The following TAMM41 variants were observed in gnomAD, a reference collection of about 807,000 sequenced individuals.
The protein encoded by TAMM41 is phosphatidate cytidylyltransferase, mitochondrial.
A neutral mutation model predicts 44.1 loss-of-function variants in TAMM41; 36 were observed. The ratio of observed to expected loss-of-function variants is 0.82; its 90% CI spans 0.63 to 1.08. The LOEUF is 1.08. Among genes scored for constraint, TAMM41 ranks in the 50% least tolerant of loss-of-function variants. TAMM41 has a pLI of 0.00. For missense variants in TAMM41, 417 were observed against 404.3 expected (o/e 1.03, Z -0.27); for synonymous variants, 164 against 153.1 (o/e 1.07, Z -0.53).
At chr3:11,782,561 AG>A in the TAMM41 span, among the ~76,000 whole-genome samples, 2 of 151,780 alleles carry the variant, frequency 1.3e-5, no homozygotes, top group African/African-American at 4.8e-5. Flanking sequence ...AAAAAAAAAA[AG>A]AAAAAAAAAG....
chr3:11,813,884 A>ATATATGTG (rs1208205425), intron 5 of TAMM41, among the ~76,000 whole-genome samples: 2 of 148,012 alleles, frequency 1.4e-5, no homozygotes, highest in Non-Finnish European at 3.0e-5. Context: ...GTATATATGT[A>ATATATGTG]TATATGTGTA....
the TAMM41 span, among the ~76,000 whole-genome samples, chr3:11,725,715 C>T: frequency 0.038 from 5,727 of 152,240 alleles, 354 homozygotes; most frequent in African/African-American, 0.13. Flanking sequence ...GCTGGGACTA[C>T]AGGCGTAAGC....
At chr3:11,817,106 C>T (rs954268289) in intron 5 of TAMM41, 86 bp downstream of exon 5, 6 of 1,360,930 alleles carry the variant, frequency 4.4e-6, no homozygotes, top group South Asian at 2.8e-5. Flanking sequence ...GTTCTCACAC[C>T]AGTCATGCTG....
the TAMM41 span, among the ~76,000 whole-genome samples, chr3:11,755,213 G>A: frequency 1.3e-5 from 2 of 152,066 alleles, no homozygotes; most frequent in African/African-American, 2.4e-5. Context: ...GAGGAGACTC[G>A]GCCTAACACA....
At chr3:11,740,453 T>C in the TAMM41 span, among the ~76,000 whole-genome samples, 1 of 152,210 alleles carries the variant, frequency 6.6e-6, no homozygotes, top group African/African-American at 2.4e-5. Flanking sequence ...ATATTGCCAT[T>C]GACACAATCC....
the TAMM41 span, chr3:11,771,290 G>A: frequency 6.6e-6 from 1 of 152,280 alleles, no homozygotes; most frequent in Admixed American, 6.5e-5. Flanking sequence ...TATCAAAAGA[G>A]AAGAGAACAC....
chr3:11,724,236 T>TAAGGTAGCAGGAGATCGGAAGAGCGTC, the TAMM41 span, among the ~76,000 whole-genome samples: 1 of 149,678 alleles, frequency 6.7e-6, no homozygotes. Context: ...CCTGAGTAGC[T>TAAGGTAGCAGGAGATCGGAAGAGCGTC]GGGATCACAG....
chr3:11,814,903 G>A (rs888263460), intron 5 of TAMM41, among the ~76,000 whole-genome samples: 1 of 152,118 alleles, frequency 6.6e-6, no homozygotes, highest in Admixed American at 6.5e-5. Context: ...GTTTGAGGTC[G>A]CAGTGAGCTG....
intron 3 of TAMM41, 131 bp downstream of exon 3, chr3:11,839,091 T>A (rs1024944623): frequency 7.6e-6 from 4 of 523,596 alleles, no homozygotes; most frequent in Non-Finnish European, 1.3e-5. Context: ...ATAAATTTTA[T>A]AGGGAATAGG....
chr3:11,786,083 G>C (rs891496002), downstream of TAMM41, among the ~76,000 whole-genome samples: 5 of 152,170 alleles, frequency 3.3e-5, no homozygotes, highest in East Asian at 9.7e-4. Context: ...TTGAGAGACA[G>C]AGTCTCGCTC....
intron 7 of TAMM41, among the ~76,000 whole-genome samples, chr3:11,804,949 C>G (rs1046421459): frequency 1.3e-5 from 2 of 149,082 alleles, no homozygotes; most frequent in African/African-American, 4.9e-5. Flanking sequence ...AATGCCGCCT[C>G]GACTTCCTGG....
the TAMM41 span, among the ~76,000 whole-genome samples, chr3:11,731,884 T>C: frequency 6.6e-6 from 1 of 151,804 alleles, no homozygotes; most frequent in African/African-American, 2.4e-5. Context: ...GGCATTTTTT[T>C]TTTTTTTTGA....
the TAMM41 span, among the ~76,000 whole-genome samples, chr3:11,771,878 C>T: frequency 5.3e-5 from 8 of 152,060 alleles, no homozygotes; most frequent in South Asian, 2.1e-4. Flanking sequence ...CCACCACGCC[C>T]GGCCTGTTTA....
In TAMM41 at chr3:11,846,626, T is replaced by C; in HGVS notation, c.11A>G (p.Gln4Arg). Residue 4 changes from glutamine to arginine, a missense_variant, in exon 1 of 8, where the codon CAG (glutamine) becomes CGG (arginine). Gln to Arg is a conservative substitution (Grantham distance 43). Transcript: ENST00000455809. MAL[Q>R]TLQSSWVTFR... ...GGTCACCCACGAGCTCTGCAGCGTC[T>C]GCAGCGCCATGGGGTCGAGGCTAAC... 1 of 1,614,198 alleles carries C rather than the reference T, an allele frequency of 6.2e-7. No individual in the cohort carries two copies. The highest frequency in any genetic ancestry group is 8.5e-7 in the Non-Finnish European group (1 of 1,180,028).
intron 2 of TAMM41, among the ~76,000 whole-genome samples, chr3:11,841,073 A>ATTTTTTTTTT (rs141805597): frequency 1.2e-5 from 1 of 83,964 alleles, no homozygotes; most frequent in South Asian, 5.0e-4. Context: ...GCCCATTTCT[A>ATTTTTTTTTT]TTTTTTTTTT....
chr3:11,767,626 A>ATGTTTTTTTTTTTTTTTTT, the TAMM41 span, among the ~76,000 whole-genome samples: 1 of 60,692 alleles, frequency 1.6e-5, no homozygotes, highest in Non-Finnish European at 3.1e-5. Flanking sequence ...CACGTTGTGC[A>ATGTTTTTTTTTTTTTTTTT]TTTTTTTTTT....
intron 4 of TAMM41, among the ~76,000 whole-genome samples, chr3:11,825,890 C>G (rs557559236): frequency 6.6e-6 from 1 of 152,070 alleles, no homozygotes; most frequent in Admixed American, 6.5e-5. Context: ...GTTGGGATTA[C>G]AGGTGTGAGC....
At chr3:11,839,373 A>T in intron 2 of TAMM41, 59 bp from the exon 3 acceptor site, 1 of 1,097,774 alleles carries the variant, frequency 9.1e-7, no homozygotes, top group Non-Finnish European at 1.4e-6. Context: ...TGCTTATACA[A>T]GTATAAAATA....
chr3:11,824,910 T>C (rs1385566998), intron 4 of TAMM41, among the ~76,000 whole-genome samples: 1 of 152,044 alleles, frequency 6.6e-6, no homozygotes. Flanking sequence ...GTGGTGGAGT[T>C]GCAGTAGCAG....
Sources: gnomAD v4.1 joint callset for allele counts (sites outside exome capture counted in the v4.1 genomes callset) on GRCh38, gnomAD v4.1.1 for gene constraint, MANE v1.5 for transcripts, NCBI Gene and HGNC (gene_info 2026-07-23, HGNC 2026-07-21) for gene names.